DOK5: variants seen among roughly 807,000 people sequenced by gnomAD.
DOK5 encodes docking protein 5, also known as downstream of tyrosine kinase 5.
Under a neutral mutation model 43.3 loss-of-function variants are expected in DOK5, and 27 were observed. The observed-to-expected ratio is 0.62, with a 90% CI of 0.46 to 0.86. The LOEUF (loss-of-function observed/expected upper bound fraction) is 0.86, where lower values mean the gene tolerates loss of function less well. Ranked by LOEUF, DOK5 falls within the 40% of genes least tolerant of loss-of-function variation. The pLI is 0.00. For synonymous variants in DOK5, 146 were observed against 140.1 expected, an observed-to-expected ratio of 1.04 and a Z score of -0.30; for missense variants, 373 against 392.9, an observed-to-expected ratio of 0.95 and a Z score of 0.43.
intron 6 of DOK5, among the ~76,000 whole-genome samples, chr20:54,630,616 A>C (rs1188597576): frequency 2.0e-5 from 3 of 152,204 alleles, no homozygotes; most frequent in Non-Finnish European, 4.4e-5. Flanking sequence ...TGTCTCTGTG[A>C]ATCTGTTTAG....
intron 7 of DOK5, among the ~76,000 whole-genome samples, chr20:54,647,418 T>A (rs1380355118): frequency 6.6e-6 from 1 of 150,674 alleles, no homozygotes; most frequent in African/African-American, 2.5e-5. Flanking sequence ...GGTGGGAGAA[T>A]CGCTTGAACC....
intron 1 of DOK5, among the ~76,000 whole-genome samples, chr20:54,496,749 G>A (rs1201467248): frequency 4.8e-5 from 6 of 125,614 alleles, no homozygotes; most frequent in Non-Finnish European, 6.3e-5. Context: ...CTGGGCGACA[G>A]AGCAAGACTC....
intron 2 of DOK5, among the ~76,000 whole-genome samples, chr20:54,586,710 T>G (rs1023244797): frequency 6.6e-6 from 1 of 152,134 alleles, no homozygotes; most frequent in Admixed American, 6.5e-5. Context: ...CAGTGGGGCC[T>G]CTGTGGGTAA....
intron 2 of DOK5, among the ~76,000 whole-genome samples, chr20:54,578,126 A>G (rs962770987): frequency 3.3e-5 from 5 of 152,160 alleles, no homozygotes; most frequent in Admixed American, 3.3e-4. Flanking sequence ...TACTTCATGC[A>G]TTAAAAACCT....
intron 1 of DOK5, among the ~76,000 whole-genome samples, chr20:54,534,701 T>C (rs1983891742): frequency 6.6e-6 from 1 of 152,060 alleles, no homozygotes. Flanking sequence ...GATGATATAT[T>C]ACAAATAGTG....
At chr20:54,537,168 A>G (rs953266475) in intron 1 of DOK5, among the ~76,000 whole-genome samples, 21 of 152,332 alleles carry the variant, frequency 1.4e-4, no homozygotes, top group Middle Eastern at 3.4e-3. Flanking sequence ...AGTATCAAGT[A>G]TGATTTTCTG....
At chr20:54,575,931 A>G (rs2146753109) in intron 2 of DOK5, among the ~76,000 whole-genome samples, 1 of 152,382 alleles carries the variant, frequency 6.6e-6, no homozygotes, top group Admixed American at 6.5e-5. Flanking sequence ...TAGAGGATAC[A>G]TTAGTGTTTG....
At chr20:54,612,347 G>T (rs969379939) in intron 6 of DOK5, among the ~76,000 whole-genome samples, 6 of 152,168 alleles carry the variant, frequency 3.9e-5, no homozygotes, top group Non-Finnish European at 8.8e-5. Flanking sequence ...GTGGACGTGG[G>T]CATGCTGAGG....
chr20:54,544,946 A>G (rs1600692483), intron 1 of DOK5, among the ~76,000 whole-genome samples: 1 of 152,186 alleles, frequency 6.6e-6, no homozygotes, highest in African/African-American at 2.4e-5. Context: ...GTAATTCTTT[A>G]TGCCTACATC....
Position 54,492,538 on chromosome 20 carries a change from T to A in DOK5, c.66+16526T>A, listed in dbSNP as rs6023289. ...CCTTGGGTATACACTCACGCATACA[T>A]GATACTGTATTTCTAAGATAAGTCC... is the stretch of plus-strand genomic sequence containing the variant. On this transcript the variant is annotated intron_variant, in intron 1 of 7. Transcript: ENST00000262593. Among the ~76,000 whole-genome samples the A allele has an allele frequency of 2.0e-4, 31 of 152,292 alleles. 1 individual carries two copies. Among genetic ancestry groups the A allele is most frequent in the African/African-American group, 7.5e-4 (31 of 41,586 alleles).
At chr20:54,639,304 C>A (rs555006298) in intron 6 of DOK5, among the ~76,000 whole-genome samples, 15 of 152,236 alleles carry the variant, frequency 9.9e-5, no homozygotes, top group Non-Finnish European at 2.1e-4. Context: ...GCAATAGCCC[C>A]TTCTCTACCT....
intron 2 of DOK5, among the ~76,000 whole-genome samples, chr20:54,581,459 T>C (rs1347799139): frequency 6.6e-6 from 1 of 151,794 alleles, no homozygotes; most frequent in Non-Finnish European, 1.5e-5. Flanking sequence ...TTAGATTGTA[T>C]GTTAAGTCTT....
intron 6 of DOK5, among the ~76,000 whole-genome samples, chr20:54,622,328 T>G (rs1391872801): frequency 1.3e-5 from 2 of 152,218 alleles, no homozygotes; most frequent in Non-Finnish European, 2.9e-5. Flanking sequence ...TCAGGCTTCT[T>G]CCTTAAATTT....
intron 6 of DOK5, among the ~76,000 whole-genome samples, chr20:54,640,491 C>T (rs1349080672): frequency 6.6e-6 from 1 of 152,330 alleles, no homozygotes; most frequent in Middle Eastern, 3.4e-3. Context: ...CACAATTATG[C>T]AGACATTTCT....
intron 2 of DOK5, among the ~76,000 whole-genome samples, chr20:54,573,488 C>T (rs1038401645): frequency 6.6e-6 from 1 of 151,954 alleles, no homozygotes; most frequent in Non-Finnish European, 1.5e-5. Context: ...GAGATCAAGA[C>T]CATCCTGGCT....
chr20:54,569,037 G>A (rs1034317489), intron 2 of DOK5, among the ~76,000 whole-genome samples: 5 of 140,728 alleles, frequency 3.6e-5, no homozygotes, highest in Non-Finnish European at 7.7e-5. Context: ...CCTGCCGTCA[G>A]AAAAAAATGC....
At chr20:54,649,082 G>A (rs1328647163) in intron 7 of DOK5, among the ~76,000 whole-genome samples, 1 of 152,220 alleles carries the variant, frequency 6.6e-6, no homozygotes, top group Non-Finnish European at 1.5e-5. Context: ...AAACAGTTGT[G>A]TCACTGAACC....
chr20:54,562,034 C>T (rs891295805), intron 2 of DOK5, among the ~76,000 whole-genome samples: 4 of 152,190 alleles, frequency 2.6e-5, no homozygotes, highest in African/African-American at 9.7e-5. Flanking sequence ...GTAAAATTTC[C>T]TCATCATCCA....
intron 7 of DOK5, among the ~76,000 whole-genome samples, chr20:54,644,722 A>AACAAAAAAAAAACC (rs1568827238): frequency 6.8e-6 from 1 of 146,568 alleles, no homozygotes. Context: ...AAAAAAAAAA[A>AACAAAAAAAAAACC]AACAAAATTT....
Sources: gnomAD v4.1 joint callset for allele counts (sites outside exome capture counted in the v4.1 genomes callset) on GRCh38, gnomAD v4.1.1 for gene constraint, MANE v1.5 for transcripts, NCBI Gene and HGNC (gene_info 2026-07-23, HGNC 2026-07-21) for gene names.